The following PPM1E variants were observed in gnomAD, a reference collection of about 807,000 sequenced individuals.
PPM1E encodes protein phosphatase, Mg2+/Mn2+ dependent 1E.
PPM1E carries 20 observed loss-of-function variants against 65.9 expected under a neutral mutation model. The ratio of observed to expected loss-of-function variants is 0.30; its 90% CI spans 0.21 to 0.44. The LOEUF (loss-of-function observed/expected upper bound fraction) is 0.44. Ranked by LOEUF, PPM1E falls within the 20% of genes least tolerant of loss-of-function variation. The pLI, the probability that PPM1E is intolerant of heterozygous loss-of-function variation, is 1.00. For synonymous variants in PPM1E, 352 were observed against 374.9 expected (o/e 0.94, Z 0.70); for missense variants, 713 against 953.1 (o/e 0.75, Z 3.32).
chr17:58,975,670 G>C (rs943941432), intron 6 of PPM1E, among the ~76,000 whole-genome samples: 1 of 152,192 alleles, frequency 6.6e-6, no homozygotes, highest in Non-Finnish European at 1.5e-5. Context: ...TTAGAGCAGA[G>C]ATGGGAGTGG....
chr17:58,933,214 A>G (rs2051926849), intron 1 of PPM1E, among the ~76,000 whole-genome samples: 1 of 152,136 alleles, frequency 6.6e-6, no homozygotes, highest in Non-Finnish European at 1.5e-5. Context: ...CAAGAAAAGG[A>G]GTTCTTGTAT....
chr17:58,819,892 CT>C (rs1332925585), intron 1 of PPM1E, among the ~76,000 whole-genome samples: 2 of 152,018 alleles, frequency 1.3e-5, no homozygotes, highest in African/African-American at 4.8e-5. Context: ...CAAAAATTAT[CT>C]GGGTTTGGTG....
intron 1 of PPM1E, among the ~76,000 whole-genome samples, chr17:58,821,061 ATAT>A (rs2050474796): frequency 6.6e-6 from 1 of 152,052 alleles, no homozygotes; most frequent in Non-Finnish European, 1.5e-5. Flanking sequence ...TATATAATTA[ATAT>A]TATAAACCTT....
At chr17:58,855,343 C>T (rs1310447188) in intron 1 of PPM1E, among the ~76,000 whole-genome samples, 1 of 152,178 alleles carries the variant, frequency 6.6e-6, no homozygotes, top group Non-Finnish European at 1.5e-5. Context: ...CCTTCCCCAA[C>T]TAAGGGGTAA....
chr17:58,797,162 A>G (rs1307511236), intron 1 of PPM1E, among the ~76,000 whole-genome samples: 2 of 152,196 alleles, frequency 1.3e-5, no homozygotes, highest in African/African-American at 4.8e-5. Flanking sequence ...CAAATAATTT[A>G]CTGTAGCTCA....
At chr17:58,881,200 A>G (rs779583316) in intron 1 of PPM1E, among the ~76,000 whole-genome samples, 1 of 152,164 alleles carries the variant, frequency 6.6e-6, no homozygotes, top group Non-Finnish European at 1.5e-5. Flanking sequence ...AATGTCATAC[A>G]TGAAAACACT....
chr17:58,923,639 C>T (rs1338750500), intron 1 of PPM1E, among the ~76,000 whole-genome samples: 3 of 150,252 alleles, frequency 2.0e-5, no homozygotes, highest in Middle Eastern at 3.4e-3. Context: ...ACCAGCTACT[C>T]GGGAGGTTGA....
At chr17:58,827,912 A>AT (rs1214478692) in intron 1 of PPM1E, among the ~76,000 whole-genome samples, 1 of 125,850 alleles carries the variant, frequency 7.9e-6, no homozygotes, top group East Asian at 2.2e-4. Context: ...AAAAAAAAAA[A>AT]ATAATAATAA....
At chr17:58,771,313 G>T (rs995465820) in intron 1 of PPM1E, among the ~76,000 whole-genome samples, 1 of 151,694 alleles carries the variant, frequency 6.6e-6, no homozygotes, top group Non-Finnish European at 1.5e-5. Context: ...GCATTTCATA[G>T]TATGTATAGT....
chr17:58,764,381 A>G (rs1186494661), intron 1 of PPM1E, among the ~76,000 whole-genome samples: 1 of 152,154 alleles, frequency 6.6e-6, no homozygotes, highest in African/African-American at 2.4e-5. Context: ...TTCATATTAA[A>G]TTAGAGACTG....
At chr17:58,963,757 C>T (rs1213501701) in intron 2 of PPM1E, among the ~76,000 whole-genome samples, 2 of 151,838 alleles carry the variant, frequency 1.3e-5, no homozygotes, top group Non-Finnish European at 2.9e-5. Flanking sequence ...GGGGTATTAG[C>T]AGGCACCTGT....
intron 1 of PPM1E, among the ~76,000 whole-genome samples, chr17:58,813,003 C>T (rs2050384213): frequency 6.6e-6 from 1 of 152,178 alleles, no homozygotes; most frequent in Admixed American, 6.5e-5. Context: ...AACAGTGATA[C>T]ATGTTTGTTT....
At chr17:58,941,716 G>A (rs866730800) in intron 1 of PPM1E, among the ~76,000 whole-genome samples, 19 of 142,670 alleles carry the variant, frequency 1.3e-4, no homozygotes, top group Admixed American at 5.0e-4. Context: ...AAAAAATGCT[G>A]GTCATAGGCC....
intron 1 of PPM1E, among the ~76,000 whole-genome samples, chr17:58,936,078 C>T (rs139431293): frequency 1.8e-4 from 27 of 151,822 alleles, no homozygotes; most frequent in African/African-American, 6.5e-4. Context: ...TGGTAGATTA[C>T]ATTATTTAGT....
At chr17:58,924,074 ATGCCTGGCTAATTTTT>A (rs1284708126) in intron 1 of PPM1E, among the ~76,000 whole-genome samples, 1 of 151,588 alleles carries the variant, frequency 6.6e-6, no homozygotes, top group African/African-American at 2.4e-5. Context: ...GTGCACCACC[ATGCCTGGCTAATTTTT>A]GTATTTTTTA....
intron 1 of PPM1E, among the ~76,000 whole-genome samples, chr17:58,801,718 G>C (rs1453554962): frequency 3.3e-5 from 5 of 151,348 alleles, no homozygotes; most frequent in African/African-American, 1.2e-4. Flanking sequence ...TGGGATTACA[G>C]GTTTGAGCCA....
At chr17:58,821,686 A>C (rs1050137988) in intron 1 of PPM1E, among the ~76,000 whole-genome samples, 1 of 152,230 alleles carries the variant, frequency 6.6e-6, no homozygotes, top group Admixed American at 6.5e-5. Context: ...GAAAACTAGT[A>C]GAAGAGATGG....
chr17:58,945,772 T>A (rs2052141827), intron 1 of PPM1E, among the ~76,000 whole-genome samples: 1 of 152,160 alleles, frequency 6.6e-6, no homozygotes, highest in Non-Finnish European at 1.5e-5. Flanking sequence ...GAAAGGATAT[T>A]ATAAAGGATA....
chr17:58,886,608 T>G (rs972034475), intron 1 of PPM1E, among the ~76,000 whole-genome samples: 1 of 152,238 alleles, frequency 6.6e-6, no homozygotes, highest in Non-Finnish European at 1.5e-5. Flanking sequence ...TTTACTAGCT[T>G]GAATTACTGG....
Sources: allele counts gnomAD v4.1 joint callset (sites outside exome capture counted in the v4.1 genomes callset), GRCh38; gene constraint gnomAD v4.1.1; transcripts MANE v1.5; gene names NCBI Gene and HGNC (gene_info 2026-07-23, HGNC 2026-07-21).